Variants in MARCHF10 observed in about 807,000 individuals in gnomAD.
The protein encoded by MARCHF10 is probable E3 ubiquitin-protein ligase MARCHF10.
MARCHF10 carries 64 observed loss-of-function variants against 76.2 expected under a neutral mutation model. The ratio of observed to expected loss-of-function variants is 0.84; its 90% CI spans 0.69 to 1.03. The LOEUF (loss-of-function observed/expected upper bound fraction) is 1.03, where lower values mean the gene tolerates loss of function less well. Among genes scored for constraint, MARCHF10 ranks in the 50% least tolerant of loss-of-function variants. The pLI, the probability that MARCHF10 is intolerant of heterozygous loss-of-function variation, is 0.00. For missense variants in MARCHF10, 875 were observed against 958.0 expected, an observed-to-expected ratio of 0.91 and a Z score of 1.14; for synonymous variants, 340 against 357.5, an observed-to-expected ratio of 0.95 and a Z score of 0.55.
At chr17:62,764,739 T>C (rs1198835079) in intron 3 of MARCHF10, among the ~76,000 whole-genome samples, 1 of 152,280 alleles carries the variant, frequency 6.6e-6, no homozygotes, top group Non-Finnish European at 1.5e-5. Flanking sequence ...AGTCATGAAA[T>C]GTAAAATATG....
intron 3 of MARCHF10, among the ~76,000 whole-genome samples, chr17:62,771,733 T>A (rs1039258701): frequency 6.6e-6 from 1 of 151,726 alleles, no homozygotes; most frequent in African/African-American, 2.4e-5. Flanking sequence ...CACACCACCA[T>A]GCCCAGCTAA....
Position 62,736,335 on chromosome 17 carries a change from T to C in MARCHF10, c.1533A>G (p.Gln511=). The change falls in exon 6 of 11, where the codon CAA becomes CAG. Residue 511 remains glutamine, a synonymous_variant. Transcript: ENST00000311269. The part of the protein sequence containing the change: ...SEGNSGFHVC[Q]PLSPIRNRTP... ...TCCTATTTCTAATGGGAGACAGTGG[T>C]TGGCAAACATGAAACCCTGAGTTTC... The C allele has an allele frequency of 1.2e-6, 2 of 1,614,236 alleles. No homozygotes were observed. The highest frequency in any genetic ancestry group is 1.7e-6 in the Non-Finnish European group (2 of 1,180,044).
intron 4 of MARCHF10, among the ~76,000 whole-genome samples, chr17:62,746,112 G>A (rs2091694265): frequency 6.6e-6 from 1 of 152,234 alleles, no homozygotes; most frequent in East Asian, 1.9e-4. Context: ...TCCAGATTCA[G>A]GAAGGGAATT....
At chr17:62,796,238 C>T (rs1472001812) in intron 2 of MARCHF10, among the ~76,000 whole-genome samples, 1 of 152,072 alleles carries the variant, frequency 6.6e-6, no homozygotes, top group East Asian at 1.9e-4. Flanking sequence ...ATGATCCACC[C>T]GCCTCTGCCT....
intron 5 of MARCHF10, among the ~76,000 whole-genome samples, chr17:62,739,891 C>T (rs773543080): frequency 6.6e-6 from 1 of 152,200 alleles, no homozygotes; most frequent in African/African-American, 2.4e-5. Context: ...ATAGAGGCCA[C>T]TGAGTTGCCA....
At chr17:62,723,552 C>T (rs1234859979) in intron 7 of MARCHF10, among the ~76,000 whole-genome samples, 4 of 74,608 alleles carry the variant, frequency 5.4e-5, no homozygotes, top group African/African-American at 9.1e-5. Context: ...GCATTTTGTT[C>T]GCTTGACTTT....
chr17:62,768,138 A>G (rs2092375392), intron 3 of MARCHF10, among the ~76,000 whole-genome samples: 1 of 152,202 alleles, frequency 6.6e-6, no homozygotes, highest in African/African-American at 2.4e-5. Flanking sequence ...CACGTGTGCA[A>G]GAGATACACT....
intron 4 of MARCHF10, among the ~76,000 whole-genome samples, chr17:62,752,375 TG>T (rs1193958630): frequency 1.3e-5 from 2 of 152,262 alleles, no homozygotes; most frequent in South Asian, 2.1e-4. Context: ...GCAGGAGACC[TG>T]GGTCCCCAGG....
chr17:62,701,700 T>G lies in MARCHF10; in HGVS notation c.*3A>C. On this transcript the variant is annotated 3_prime_UTR_variant, in exon 11 of 11. Transcript: ENST00000311269. ...CCGCCGAGCTCCACAGTTGGCTTCC[T>G]TGCTAGACGACCTGGCTTTGAGAAA... 6.2e-7 allele frequency: 1 copy of G among 1,614,136 alleles called. No homozygotes were observed.
At chr17:62,722,730 C>A (rs1392712974) in intron 7 of MARCHF10, 133 bp from the exon 8 acceptor site, 2 of 650,436 alleles carry the variant, frequency 3.1e-6, no homozygotes, top group South Asian at 2.7e-5. Flanking sequence ...TCCTTTAAAG[C>A]CAGCCATCTT....
chr17:62,715,754 C>G (rs930926073), intron 8 of MARCHF10, among the ~76,000 whole-genome samples: 2 of 152,294 alleles, frequency 1.3e-5, no homozygotes, highest in African/African-American at 2.4e-5. Context: ...TGTAGGAGTT[C>G]CTGATCTAGC....
At chr17:62,755,500 C>T (rs1172757205) in intron 4 of MARCHF10, among the ~76,000 whole-genome samples, 2 of 152,162 alleles carry the variant, frequency 1.3e-5, no homozygotes, top group Non-Finnish European at 2.9e-5. Flanking sequence ...CCTCTGCACT[C>T]GCTGGGCCTG....
chr17:62,751,872 T>G (rs776909421), intron 4 of MARCHF10, among the ~76,000 whole-genome samples: 17 of 151,864 alleles, frequency 1.1e-4, no homozygotes, highest in Non-Finnish European at 2.5e-4. Flanking sequence ...AATACAAAAT[T>G]AGCCGGGCAT....
At chr17:62,764,357 G>A (rs761613877) in intron 3 of MARCHF10, among the ~76,000 whole-genome samples, 30 of 152,088 alleles carry the variant, frequency 2.0e-4, no homozygotes, top group South Asian at 1.0e-3. Context: ...GATGTGTACC[G>A]AACCCATCTT....
intron 3 of MARCHF10, among the ~76,000 whole-genome samples, chr17:62,765,874 A>C (rs2092317094): frequency 6.6e-6 from 1 of 152,082 alleles, no homozygotes. Flanking sequence ...GACGAAAAGG[A>C]AGCAGTATGT....
intron 3 of MARCHF10, among the ~76,000 whole-genome samples, chr17:62,765,059 T>G (rs1230808746): frequency 3.3e-5 from 5 of 152,030 alleles, no homozygotes; most frequent in Non-Finnish European, 7.4e-5. Context: ...GAACATGCTT[T>G]TTGGAGGCCA....
At chr17:62,785,445 C>T (rs1330977994) in intron 3 of MARCHF10, among the ~76,000 whole-genome samples, 1 of 152,130 alleles carries the variant, frequency 6.6e-6, no homozygotes, top group African/African-American at 2.4e-5. Flanking sequence ...CTAGGCAATA[C>T]CATTTAGGAC....
chr17:62,755,299 CAT>C (rs72328101), intron 4 of MARCHF10, among the ~76,000 whole-genome samples: 4,756 of 152,272 alleles, frequency 0.031, 241 homozygotes, highest in African/African-American at 0.11. Flanking sequence ...TTGCTTCCCA[CAT>C]GTCTGGCCCT....
intron 6 of MARCHF10, among the ~76,000 whole-genome samples, chr17:62,732,992 CAAAAAAAA>C (rs398041783): frequency 1.5e-5 from 1 of 66,550 alleles, no homozygotes; most frequent in African/African-American, 5.3e-5. Flanking sequence ...GACTCAGTCT[CAAAAAAAA>C]AAAAAAAAAA....
Sources: gnomAD v4.1 joint callset for allele counts (sites outside exome capture counted in the v4.1 genomes callset) on GRCh38, gnomAD v4.1.1 for gene constraint, MANE v1.5 for transcripts, NCBI Gene and HGNC (gene_info 2026-07-23, HGNC 2026-07-21) for gene names.